FGD4: variants seen among roughly 807,000 people sequenced by gnomAD.
FGD4 encodes the protein FYVE, RhoGEF and PH domain containing 4.
Under a neutral mutation model 102.0 loss-of-function variants are expected in FGD4, and 42 were observed. That is an observed-to-expected ratio of 0.41 (90% CI 0.32 to 0.53). The LOEUF (loss-of-function observed/expected upper bound fraction) is 0.53. Ranked by LOEUF, FGD4 falls within the 20% of genes least tolerant of loss-of-function variation. FGD4 has a pLI of 0.21. For synonymous variants in FGD4, 380 were observed against 375.7 expected, an observed-to-expected ratio of 1.01 and a Z score of -0.13; for missense variants, 902 against 1,078.2, an observed-to-expected ratio of 0.84 and a Z score of 2.29.
At chr12:32,538,774 C>A (rs1264681367) in intron 1 of FGD4, among the ~76,000 whole-genome samples, 1 of 152,122 alleles carries the variant, frequency 6.6e-6, no homozygotes, top group Non-Finnish European at 1.5e-5. Context: ...TGTACTTAGG[C>A]CAGGCGCAGT....
intron 1 of FGD4, among the ~76,000 whole-genome samples, chr12:32,517,538 T>C (rs1565793510): frequency 6.6e-6 from 1 of 152,204 alleles, no homozygotes; most frequent in Non-Finnish European, 1.5e-5. Flanking sequence ...ATAGTTGATG[T>C]CCCAGAATCA....
At chr12:32,616,376 A>C (rs1245127050) in intron 10 of FGD4, among the ~76,000 whole-genome samples, 1 of 152,202 alleles carries the variant, frequency 6.6e-6, no homozygotes, top group African/African-American at 2.4e-5. Context: ...AGTTACTTTA[A>C]GCCATCAAAC....
At chr12:32,522,333 T>C (rs1180257387) in intron 1 of FGD4, among the ~76,000 whole-genome samples, 1 of 152,212 alleles carries the variant, frequency 6.6e-6, no homozygotes, top group African/African-American at 2.4e-5. Context: ...GTATCTTTTC[T>C]TTCCACATTC....
intron 1 of FGD4, chr12:32,486,157 T>G: frequency 2.0e-6 from 3 of 1,525,670 alleles, no homozygotes; most frequent in Non-Finnish European, 2.6e-6. Flanking sequence ...AGTATTGTTT[T>G]GCAATTGCCA....
rs1198765496 is a variant in FGD4, at chr12:32,563,344, G to A, written c.167-793G>A. Reference sequence around the variant, plus strand: ...GACGGGGTCGCGGCCGGGCAGGGGCGCTCCTCACATCCCAGACGGGGTGGC... The same window carrying A: ...GACGGGGTCGCGGCCGGGCAGGGGCACTCCTCACATCCCAGACGGGGTGGC... On this transcript the variant is annotated intron_variant, in intron 1 of 16. Coordinates refer to ENST00000534526, the MANE Select transcript of FGD4 (RefSeq NM_001370298.3). Among the ~76,000 whole-genome samples, 4 of 148,116 alleles carry A rather than the reference G, an allele frequency of 2.7e-5. No individual in the cohort carries two copies. The East Asian group carries it at 8.1e-4, about 30-fold the overall frequency.
intron 1 of FGD4, among the ~76,000 whole-genome samples, chr12:32,472,422 A>T (rs550530686): frequency 0.19 from 28,140 of 151,956 alleles, 3,205 homozygotes; most frequent in East Asian, 0.26. Context: ...GCAATGGGGG[A>T]CTTAGCACCC....
intron 1 of FGD4, among the ~76,000 whole-genome samples, chr12:32,484,926 G>A (rs543635090): frequency 1.3e-5 from 2 of 152,068 alleles, no homozygotes; most frequent in Non-Finnish European, 2.9e-5. Context: ...AAGAAATGGC[G>A]CCTCACTCTG....
At chr12:32,579,870 A>T (rs1946464875) in intron 3 of FGD4, among the ~76,000 whole-genome samples, 1 of 151,108 alleles carries the variant, frequency 6.6e-6, no homozygotes, top group African/African-American at 2.4e-5. Flanking sequence ...CTCCCTCATC[A>T]CTTTCTTGCT....
intron 4 of FGD4, among the ~76,000 whole-genome samples, chr12:32,583,695 CAT>C (rs1946791878): frequency 6.6e-6 from 1 of 152,164 alleles, no homozygotes; most frequent in African/African-American, 2.4e-5. Flanking sequence ...GCTGGTGAAA[CAT>C]ATACTGACTC....
At chr12:32,579,449 C>G (rs2136407201) in intron 3 of FGD4, 1 of 152,368 alleles carries the variant, frequency 6.6e-6, no homozygotes, top group Middle Eastern at 3.4e-3. Flanking sequence ...TCAACTACTG[C>G]TTTTACTAAC....
intron 16 of FGD4, among the ~76,000 whole-genome samples, chr12:32,639,465 A>G (rs1322629593): frequency 6.6e-6 from 1 of 152,178 alleles, no homozygotes; most frequent in Non-Finnish European, 1.5e-5. Context: ...CGCCCAGCCA[A>G]TTTTGTTTTT....
intron 10 of FGD4, among the ~76,000 whole-genome samples, chr12:32,616,407 A>G (rs1202988318): frequency 6.6e-6 from 1 of 152,200 alleles, no homozygotes; most frequent in Non-Finnish European, 1.5e-5. Flanking sequence ...GCCTCCCAGG[A>G]GAATGAGGTC....
chr12:32,619,869 A>C lies in FGD4; in HGVS notation c.1921A>C (p.Ser641Arg). The stretch of plus-strand genomic sequence containing the variant: ...AGAGAGAACACTGGAACTGCAGGCC[A>C]GGTAAGGGAACCATTTCTATCACAC... ...GKERTLELQA[S>R]SAQDKEEWIK... Residue 641 changes from serine (S) to arginine (R), a missense_variant and splice_region_variant, in exon 11 of 17, where the codon AGT becomes CGT. Around this residue, in one of 2 missense-constraint regions of FGD4, gnomAD observed 459 missense variants for 619.0 expected, o/e 0.74. Transcript: ENST00000534526. 6.2e-7 allele frequency: 1 copy of C among 1,614,152 alleles called. No individual in the cohort carries two copies. The highest frequency in any genetic ancestry group is 1.1e-5 in the South Asian group (1 of 91,080).
At chr12:32,575,516 T>C (rs564169384) in intron 2 of FGD4, among the ~76,000 whole-genome samples, 1 of 152,306 alleles carries the variant, frequency 6.6e-6, no homozygotes, top group South Asian at 2.1e-4. Context: ...TCTGCACACA[T>C]GACTCAAACC....
intron 1 of FGD4, among the ~76,000 whole-genome samples, chr12:32,430,241 C>A (rs1026884309): frequency 6.6e-6 from 1 of 151,536 alleles, no homozygotes; most frequent in African/African-American, 2.4e-5. Flanking sequence ...CTGGGAGGGG[C>A]AGGTTGCAGT....
intron 2 of FGD4, among the ~76,000 whole-genome samples, chr12:32,573,612 A>C (rs1945873140): frequency 6.6e-6 from 1 of 152,256 alleles, no homozygotes; most frequent in South Asian, 2.1e-4. Flanking sequence ...CAGTGTGTCT[A>C]ACTTTAGTCA....
intron 9 of FGD4, 61 bp from the exon 10 acceptor site, chr12:32,611,076 A>G: frequency 6.3e-7 from 1 of 1,593,320 alleles, no homozygotes; most frequent in East Asian, 2.2e-5. Context: ...AGGTCATAGT[A>G]TTATTAAAGC....
At chr12:32,588,801 C>A (rs764445365) in intron 4 of FGD4, among the ~76,000 whole-genome samples, 8 of 152,154 alleles carry the variant, frequency 5.3e-5, no homozygotes, top group Non-Finnish European at 7.3e-5. Flanking sequence ...TTTAACAGAA[C>A]GTTGAGTTGA....
chr12:32,601,563 G>A, intron 6 of FGD4, 140 bp downstream of exon 6: 1 of 1,047,330 alleles, frequency 9.5e-7, no homozygotes, highest in Non-Finnish European at 1.3e-6. Flanking sequence ...ACTGATAGAA[G>A]TTGTGGTACA....
Sources: gnomAD v4.1 joint callset for allele counts (sites outside exome capture counted in the v4.1 genomes callset) on GRCh38, gnomAD v4.1.1 for gene constraint, gnomAD v4.1.1 regional missense constraint, MANE v1.5 for transcripts, NCBI Gene and HGNC (gene_info 2026-07-23, HGNC 2026-07-21) for gene names.